The following PTPRB variants were observed in gnomAD, a reference collection of about 807,000 sequenced individuals.
PTPRB encodes the protein receptor-type tyrosine-protein phosphatase beta.
In PTPRB, 97 loss-of-function variants were observed where a neutral mutation model predicts 238.1. That is an observed-to-expected ratio of 0.41 (90% confidence interval 0.35 to 0.48). The LOEUF (loss-of-function observed/expected upper bound fraction) is 0.48, where lower values mean the gene tolerates loss of function less well. Among genes scored for constraint, PTPRB ranks in the 20% least tolerant of loss-of-function variants. The pLI, the probability that PTPRB is intolerant of heterozygous loss-of-function variation, is 0.30. For synonymous variants in PTPRB, 970 were observed against 995.4 expected (o/e 0.97, Z 0.48); for missense variants, 2,292 against 2,681.9 (o/e 0.85, Z 3.21).
chr12:70,522,865 T>TTC (rs1156520077), intron 33 of PTPRB, among the ~76,000 whole-genome samples: 45 of 142,052 alleles, frequency 3.2e-4, no homozygotes, highest in Admixed American at 7.0e-4. Flanking sequence ...TGTTTTTTCT[T>TTC]TTTTTTTTTT....
At chr12:70,545,744 A>G (rs1875858650) in intron 21 of PTPRB, among the ~76,000 whole-genome samples, 1 of 152,168 alleles carries the variant, frequency 6.6e-6, no homozygotes, top group South Asian at 2.1e-4. Context: ...GAGAGGAGGA[A>G]CTAGATGGGG....
rs575595450 is a variant in PTPRB at position 70,520,630 on chromosome 12, G to A, written c.*859C>T. On this transcript the variant is annotated 3_prime_UTR_variant, in exon 34 of 34. Transcript: ENST00000334414. ...AGTGTGTATAAATACATTACAGTAT[G>A]GGTGTGGATGTTCACACTCCACACC... is the stretch of plus-strand genomic sequence containing the variant. 210 of 160,744 alleles carry A rather than the reference G, an allele frequency of 1.3e-3. 1 individual carries two copies. The highest frequency in any genetic ancestry group is 3.4e-3 in the Admixed American group (53 of 15,786). 10.0% of individuals were successfully genotyped at this position (160,744 alleles called of 1,614,324 possible).
At chr12:70,581,915 C>T (rs953321023) in intron 9 of PTPRB, among the ~76,000 whole-genome samples, 3 of 152,134 alleles carry the variant, frequency 2.0e-5, no homozygotes, top group Middle Eastern at 3.4e-3. Context: ...CATTATTTGA[C>T]ACCCATTCAG....
Position 70,589,853 on chromosome 12 carries a change from A to G in PTPRB, c.2050+111T>C, listed in dbSNP as rs991629795. 12 of 1,098,948 alleles carry G rather than the reference A, an allele frequency of 1.1e-5. No individual in the cohort carries two copies. The African/African-American group carries it at 1.6e-4, about 14-fold the overall frequency. The allele number at this position is 1,098,948 out of a possible 1,614,324, so 68.1% of individuals were successfully genotyped here. The stretch of plus-strand genomic sequence containing the variant: ...AGCCTTAAAGTCCTTAATATCTCAA[A>G]TTCAGAAAACACCAGGGTATGATAT... On this transcript the variant is annotated intron_variant, in intron 8 of 33. Coordinates refer to ENST00000334414, the MANE Select transcript of PTPRB (RefSeq NM_001109754.4).
intron 9 of PTPRB, among the ~76,000 whole-genome samples, chr12:70,582,476 T>C (rs1243848364): frequency 1.3e-5 from 2 of 152,086 alleles, no homozygotes; most frequent in African/African-American, 4.8e-5. Context: ...GACAGAAACA[T>C]AGATTGATAG....
At chr12:70,534,368 G>T in intron 31 of PTPRB, 120 bp downstream of exon 31, 6 of 1,109,056 alleles carry the variant, frequency 5.4e-6, no homozygotes, top group Non-Finnish European at 6.4e-6. Context: ...GGCGAGGCAG[G>T]CTGGTTGGTC....
intron 13 of PTPRB, among the ~76,000 whole-genome samples, chr12:70,570,353 T>A (rs11178300): frequency 0.29 from 44,268 of 151,888 alleles, 6,539 homozygotes; most frequent in South Asian, 0.39. Context: ...AATTTAATTT[T>A]ATTTTATTTT....
chr12:70,536,479 C>T (rs1565911406), intron 28 of PTPRB, among the ~76,000 whole-genome samples: 1 of 151,996 alleles, frequency 6.6e-6, no homozygotes, highest in East Asian at 1.9e-4. Context: ...GTTGGAGGGA[C>T]TGTAATCAGG....
At chr12:70,611,010 G>A (rs1404149077) in intron 3 of PTPRB, among the ~76,000 whole-genome samples, 2 of 152,110 alleles carry the variant, frequency 1.3e-5, no homozygotes, top group African/African-American at 4.8e-5. Context: ...TAACTAAAGA[G>A]CAAAAATATT....
rs374294669 is a variant in PTPRB, at chr12:70,616,989, G to C, written c.708+5401C>G. 8.7e-4 allele frequency among the ~76,000 whole-genome samples: 133 copies of C among 152,274 alleles called. 1 individual carries two copies. Among genetic ancestry groups the C allele is most frequent in the African/African-American group, 2.9e-3 (122 of 41,542 alleles). On this transcript the variant is annotated intron_variant, in intron 3 of 33. Transcript: ENST00000334414. ...ACAAAAGTTGGTCCTCTGTATACCT[G>C]AGTTACAAATTCCACCAATAATGTA...
intron 8 of PTPRB, among the ~76,000 whole-genome samples, chr12:70,588,109 A>AAAAAAGAAAAG (rs1555232485): frequency 2.9e-5 from 4 of 136,974 alleles, no homozygotes; most frequent in Non-Finnish European, 6.6e-5. Context: ...AAAAAAAAAA[A>AAAAAAGAAAAG]AAAAGAAAAG....
Position 70,635,710 on chromosome 12 carries a change from C to T in PTPRB, c.412G>A (p.Glu138Lys). The T allele has an allele frequency of 6.2e-7, 1 of 1,613,952 alleles. No homozygotes were observed. The highest frequency in any genetic ancestry group is 8.5e-7 in the Non-Finnish European group (1 of 1,179,860). Residue 138 changes from glutamate to lysine, a missense_variant, in exon 2 of 34, where the codon GAG (glutamate) becomes AAG (lysine). Physicochemically the swap from Glu to Lys is moderately conservative, Grantham distance 56 (BLOSUM62 1). This residue lies in a region of PTPRB where 1,205 missense variants were observed against 1,287.8 expected (regional missense o/e 0.94). Transcript: ENST00000334414. ...AGGCTTTCATTGACCAGTTTTCCCT[C>T]CTTGTTGACATCTATTTTCATCCAG... ...HSWMKIDVNK[E>K]GKLVNESLCL...
At chr12:70,536,612 C>A (rs1874163535) in intron 28 of PTPRB, among the ~76,000 whole-genome samples, 1 of 152,206 alleles carries the variant, frequency 6.6e-6, no homozygotes, top group African/African-American at 2.4e-5. Context: ...TGAGCGTCTA[C>A]CATCTAATGT....
intron 32 of PTPRB, among the ~76,000 whole-genome samples, chr12:70,529,814 T>C (rs1872911403): frequency 6.6e-6 from 1 of 152,154 alleles, no homozygotes; most frequent in South Asian, 2.1e-4. Flanking sequence ...GTCAGTTTCC[T>C]CAGCGCTGAA....
At chr12:70,551,051 G>C (rs193037431) in intron 21 of PTPRB, among the ~76,000 whole-genome samples, 2 of 151,888 alleles carry the variant, frequency 1.3e-5, no homozygotes, top group Admixed American at 1.3e-4. Flanking sequence ...GTGCACCACC[G>C]TGCCTGGCCA....
chr12:70,516,662 A>G lies in PTPRB; in HGVS notation c.*4827T>C, dbSNP rs1475502080. On this transcript the variant is annotated 3_prime_UTR_variant, in exon 34 of 34. Transcript: ENST00000334414. ...TCTTGGGGTGAGGATATTATTTATT[A>G]AAATAGCTATAACCAATTCTTTTTG... The G allele has an allele frequency of 6.6e-6, 1 of 152,240 alleles. No individual in the cohort carries two copies. Among genetic ancestry groups the G allele is most frequent in the Non-Finnish European group, 1.5e-5 (1 of 68,046 alleles). 9.4% of individuals were successfully genotyped at this position (152,240 alleles called of 1,614,324 possible).
At chr12:70,603,743 T>C (rs1176296407) in intron 4 of PTPRB, among the ~76,000 whole-genome samples, 1 of 152,198 alleles carries the variant, frequency 6.6e-6, no homozygotes, top group African/African-American at 2.4e-5. Flanking sequence ...CCCCATGAGT[T>C]ATTGTTATAC....
intron 29 of PTPRB, among the ~76,000 whole-genome samples, chr12:70,535,698 C>G (rs1874026616): frequency 6.6e-6 from 1 of 152,106 alleles, no homozygotes; most frequent in South Asian, 2.1e-4. Flanking sequence ...AGGGGCAGGT[C>G]CAGTGACTCT....
Position 70,587,029 on chromosome 12 carries a change from G to A in PTPRB, c.2289C>T (p.Ser763=), listed in dbSNP as rs754221327. 1.9e-6 allele frequency: 3 copies of A among 1,613,656 alleles called. No homozygotes were observed. In the South Asian group the frequency reaches 3.3e-5, roughly 18 times the overall value. ...VTSISGDLKN[S]SSVKGRTVPA... ...TACCTGTTCTTCCTTTTACTGAAGA[G>A]GAATTTTTTAAGTCTCCACTAATAC... Residue 763 remains serine (S), a synonymous_variant, in exon 9 of 34, where the codon TCC becomes TCT. Transcript: ENST00000334414.
Sources: gnomAD v4.1 joint callset for allele counts (sites outside exome capture counted in the v4.1 genomes callset) on GRCh38, gnomAD v4.1.1 for gene constraint, gnomAD v4.1.1 regional missense constraint, MANE v1.5 for transcripts, NCBI Gene and HGNC (gene_info 2026-07-23, HGNC 2026-07-21) for gene names.